CDH12: variants seen among roughly 807,000 people sequenced by gnomAD.
CDH12 encodes cadherin 12.
A neutral mutation model predicts 74.1 loss-of-function variants in CDH12; 41 were observed. The observed-to-expected ratio is 0.55, with a 90% CI of 0.43 to 0.72. The LOEUF is 0.72. CDH12 is among the 30% of genes least tolerant of loss of function. The pLI is 0.00. For synonymous variants in CDH12, 399 were observed against 355.0 expected (o/e 1.12, Z -1.39); for missense variants, 945 against 977.2 (o/e 0.97, Z 0.44).
At chr5:22,625,509 G>T (rs549266132) in intron 1 of CDH12, among the ~76,000 whole-genome samples, 2 of 152,306 alleles carry the variant, frequency 1.3e-5, no homozygotes, top group South Asian at 4.1e-4. Context: ...GGAGCCCAAA[G>T]AATTTGGTTC....
rs559315419 is a variant in CDH12, at chr5:21,969,768, T to C, written c.526+5323A>G. 9.2e-3 allele frequency among the ~76,000 whole-genome samples: 1,402 copies of C among 152,226 alleles called. 19 individuals are homozygous for C. The highest frequency in any genetic ancestry group is 0.032 in the African/African-American group (1,341 of 41,500). On this transcript the variant is annotated intron_variant, in intron 6 of 14. Coordinates refer to ENST00000382254, the MANE Select transcript of CDH12 (RefSeq NM_004061.5). The stretch of plus-strand genomic sequence containing the variant: ...ATTATGCCATAATAGATAAGTTATA[T>C]ACAACCTTTATCAAATAATAAAAGT...
intron 1 of CDH12, among the ~76,000 whole-genome samples, chr5:22,657,802 T>C (rs1038144681): frequency 1.3e-5 from 2 of 152,190 alleles, no homozygotes; most frequent in African/African-American, 2.4e-5. Context: ...GTAATGACAA[T>C]TGAAGTAAAA....
chr5:22,535,864 C>T (rs934240262), intron 1 of CDH12, among the ~76,000 whole-genome samples: 2 of 152,154 alleles, frequency 1.3e-5, no homozygotes, highest in African/African-American at 4.8e-5. Context: ...TTGGATTCAA[C>T]CAACCACAGA....
chr5:21,956,681 G>A (rs1320812071), intron 6 of CDH12, among the ~76,000 whole-genome samples: 3 of 151,700 alleles, frequency 2.0e-5, no homozygotes, highest in Non-Finnish European at 4.4e-5. Flanking sequence ...TATTTTCTTA[G>A]TGTTTATATC....
chr5:21,938,315 C>T (rs1755164761), intron 6 of CDH12, among the ~76,000 whole-genome samples: 1 of 152,148 alleles, frequency 6.6e-6, no homozygotes, highest in Non-Finnish European at 1.5e-5. Flanking sequence ...TGTCAGACCT[C>T]ATTTAAAACA....
intron 11 of CDH12, among the ~76,000 whole-genome samples, chr5:21,781,303 G>A (rs949110971): frequency 2.0e-5 from 3 of 152,144 alleles, no homozygotes; most frequent in African/African-American, 7.2e-5. Context: ...CTACCACTGG[G>A]TGCCCATGTC....
At chr5:22,218,822 T>G (rs1308409523) in intron 3 of CDH12, among the ~76,000 whole-genome samples, 1 of 151,784 alleles carries the variant, frequency 6.6e-6, no homozygotes, top group Non-Finnish European at 1.5e-5. Flanking sequence ...TAACAGATTA[T>G]GTCCATAATA....
chr5:21,986,742 T>G (rs1345058793), intron 5 of CDH12, among the ~76,000 whole-genome samples: 1 of 152,138 alleles, frequency 6.6e-6, no homozygotes, highest in Admixed American at 6.5e-5. Context: ...TAAAAATAAA[T>G]GCCAATAATC....
chr5:22,080,745 C>G (rs1305571200), intron 4 of CDH12, among the ~76,000 whole-genome samples: 1 of 151,890 alleles, frequency 6.6e-6, no homozygotes, highest in East Asian at 1.9e-4. Flanking sequence ...TAAATAAATA[C>G]ACATTATTAA....
At chr5:22,246,660 C>A (rs1304801497) in intron 3 of CDH12, among the ~76,000 whole-genome samples, 1 of 152,132 alleles carries the variant, frequency 6.6e-6, no homozygotes, top group East Asian at 1.9e-4. Flanking sequence ...TGGCTAATTA[C>A]GTAATTCCTT....
Position 21,838,375 on chromosome 5 carries a change from C to T in CDH12, c.814+3786G>A, listed in dbSNP as rs189301876. 2.6e-3 allele frequency among the ~76,000 whole-genome samples: 401 copies of T among 152,190 alleles called. 1 individual carries two copies. Among genetic ancestry groups the T allele is most frequent in the Non-Finnish European group, 3.9e-3 (268 of 68,012 alleles). The stretch of plus-strand genomic sequence containing the variant: ...AGGAGTTTGAGACCAGCCTGACCAA[C>T]GTGGTGAAACCCCGTCTCTAATAAA... On this transcript the variant is annotated intron_variant, in intron 8 of 14. Transcript: ENST00000382254.
chr5:21,776,952 G>A (rs1745622210), intron 11 of CDH12, among the ~76,000 whole-genome samples: 1 of 152,066 alleles, frequency 6.6e-6, no homozygotes, highest in South Asian at 2.1e-4. Flanking sequence ...TAATGAGGCT[G>A]TATTTTTTCA....
chr5:22,801,509 C>T (rs1581013577), intron 1 of CDH12, among the ~76,000 whole-genome samples: 1 of 151,642 alleles, frequency 6.6e-6, no homozygotes, highest in African/African-American at 2.4e-5. Flanking sequence ...TTTCCTCCAG[C>T]TGACGAATTT....
chr5:22,811,202 G>A (rs968821755), intron 1 of CDH12, among the ~76,000 whole-genome samples: 64 of 151,766 alleles, frequency 4.2e-4, no homozygotes, highest in Admixed American at 1.4e-3. Flanking sequence ...CATGAAGTAC[G>A]AAAACTGGGA....
intron 6 of CDH12, among the ~76,000 whole-genome samples, chr5:21,954,119 A>G (rs1286489171): frequency 6.6e-6 from 1 of 152,136 alleles, no homozygotes; most frequent in African/African-American, 2.4e-5. Context: ...GAGCACATAA[A>G]TATTATTTTC....
At chr5:22,781,063 A>G (rs1180823254) in intron 1 of CDH12, among the ~76,000 whole-genome samples, 1 of 152,184 alleles carries the variant, frequency 6.6e-6, no homozygotes, top group Admixed American at 6.5e-5. Flanking sequence ...TGAACTGTGC[A>G]TGATCAGGAT....
At chr5:22,626,209 C>T (rs2126849275) in intron 1 of CDH12, among the ~76,000 whole-genome samples, 1 of 152,306 alleles carries the variant, frequency 6.6e-6, no homozygotes, top group African/African-American at 2.4e-5. Flanking sequence ...AGGCCTCTGC[C>T]CCATTCCTGC....
intron 2 of CDH12, among the ~76,000 whole-genome samples, chr5:22,417,183 TA>T (rs1338856747): frequency 6.6e-6 from 1 of 152,210 alleles, no homozygotes; most frequent in African/African-American, 2.4e-5. Context: ...AAAATAAACA[TA>T]ATAATTTGAG....
At chr5:22,068,608 T>C (rs1056598100) in intron 5 of CDH12, among the ~76,000 whole-genome samples, 4 of 152,140 alleles carry the variant, frequency 2.6e-5, no homozygotes, top group African/African-American at 9.7e-5. Context: ...ATTGGAACAT[T>C]AATGACAAAG....
Sources: allele counts gnomAD v4.1 joint callset (sites outside exome capture counted in the v4.1 genomes callset), GRCh38; gene constraint gnomAD v4.1.1; transcripts MANE v1.5; gene names NCBI Gene and HGNC (gene_info 2026-07-23, HGNC 2026-07-21).